SLC25A12: variants seen among roughly 807,000 people sequenced by gnomAD.
SLC25A12 encodes electrogenic aspartate/glutamate antiporter SLC25A12, mitochondrial.
SLC25A12 carries 32 observed loss-of-function variants against 83.3 expected under a neutral mutation model. The ratio of observed to expected loss-of-function variants is 0.38; its 90% confidence interval spans 0.29 to 0.52. The LOEUF is 0.52. SLC25A12 is among the 20% of genes least tolerant of loss of function. The pLI is 0.84. For missense variants in SLC25A12, 611 were observed against 835.6 expected (o/e 0.73, Z 3.31); for synonymous variants, 267 against 291.1 (o/e 0.92, Z 0.84).
rs184616361 is a variant in SLC25A12 at position 171,807,390 on chromosome 2, C to T, written c.1305+2216G>A. ...AATTCCTAAAGTTCAAACCTATAAA[C>T]AGGGTCGGTAGCTAGGAAGAACAAA... On this transcript the variant is annotated intron_variant, in intron 13 of 17. Coordinates refer to ENST00000422440, the MANE Select transcript of SLC25A12 (RefSeq NM_003705.5). Among the ~76,000 whole-genome samples the T allele has an allele frequency of 2.0e-5, 3 of 152,202 alleles. No individual in the cohort carries two copies. In the South Asian group the frequency reaches 6.2e-4, roughly 31 times the overall value.
At chr2:171,872,718 G>A (rs1685480347) in intron 2 of SLC25A12, among the ~76,000 whole-genome samples, 1 of 152,176 alleles carries the variant, frequency 6.6e-6, no homozygotes, top group African/African-American at 2.4e-5. Flanking sequence ...AGGGAGAAAG[G>A]CAACACTTGG....
At chr2:171,787,018 A>G (rs1690501348) in intron 17 of SLC25A12, among the ~76,000 whole-genome samples, 1 of 152,248 alleles carries the variant, frequency 6.6e-6, no homozygotes, top group African/African-American at 2.4e-5. Context: ...TATGTGAAAA[A>G]AGACAATTAT....
In SLC25A12 at chr2:171,785,439, G is replaced by C. The variant is rs1173947170; in HGVS notation, c.1872C>G (p.Arg624=). 2 of 1,614,220 alleles carry C rather than the reference G, an allele frequency of 1.2e-6. No individual in the cohort carries two copies. The highest frequency in any genetic ancestry group is 2.2e-5 in the South Asian group (2 of 91,078). The change falls in exon 18 of 18, where the codon CGC becomes CGG. Residue 624 remains arginine (R), a synonymous_variant. Transcript: ENST00000422440. ...GGTTGGCAGGAGGAAGGTCTGCAAT[G>C]CGTGACTTAGGTGTTGGTTCTGAAC... The part of the protein sequence containing the change: ...PAGSEPTPKS[R]IADLPPANPD...
chr2:171,803,310 G>T (rs1384123495), intron 13 of SLC25A12, among the ~76,000 whole-genome samples: 1 of 151,674 alleles, frequency 6.6e-6, no homozygotes, highest in Non-Finnish European at 1.5e-5. Flanking sequence ...AACACCAAAA[G>T]CACAAACAAC....
intron 13 of SLC25A12, among the ~76,000 whole-genome samples, chr2:171,803,887 A>G (rs1286053012): frequency 6.6e-6 from 1 of 152,108 alleles, no homozygotes; most frequent in Non-Finnish European, 1.5e-5. Flanking sequence ...TCACACTACT[A>G]GTAGGGATGC....
intron 9 of SLC25A12, among the ~76,000 whole-genome samples, chr2:171,820,074 G>C (rs918882094): frequency 6.6e-5 from 10 of 152,070 alleles, no homozygotes; most frequent in Non-Finnish European, 1.5e-4. Flanking sequence ...GTCTACTTGA[G>C]GGAGGACTGG....
At chr2:171,885,597 G>C (rs543069789) in intron 2 of SLC25A12, among the ~76,000 whole-genome samples, 8 of 152,008 alleles carry the variant, frequency 5.3e-5, no homozygotes, top group Admixed American at 3.3e-4. Context: ...GCTTGAACCC[G>C]GGAGGCGGAG....
At chr2:171,831,312 T>C (rs1684426537) in intron 8 of SLC25A12, among the ~76,000 whole-genome samples, 1 of 152,200 alleles carries the variant, frequency 6.6e-6, no homozygotes, top group South Asian at 2.1e-4. Context: ...GACAGGTCCC[T>C]CTCAAAATCT....
At chr2:171,824,217 C>T (rs1684253203) in intron 9 of SLC25A12, among the ~76,000 whole-genome samples, 2 of 152,210 alleles carry the variant, frequency 1.3e-5, no homozygotes, top group African/African-American at 4.8e-5. Flanking sequence ...AGCGCTGCCA[C>T]TGAAGACAGG....
chr2:171,837,049 G>C, intron 6 of SLC25A12, 72 bp downstream of exon 6: 3 of 1,456,590 alleles, frequency 2.1e-6, no homozygotes, highest in East Asian at 2.3e-5. Context: ...TGAGTCCCTG[G>C]AGGCAATCCA....
intron 2 of SLC25A12, among the ~76,000 whole-genome samples, chr2:171,875,910 CAAAAA>C (rs34276775): frequency 4.0e-5 from 4 of 99,002 alleles, no homozygotes; most frequent in African/African-American, 4.2e-5. Flanking sequence ...GACTCTGTCT[CAAAAA>C]AAAAAAAAAA....
intron 9 of SLC25A12, among the ~76,000 whole-genome samples, chr2:171,819,332 A>G (rs1458952357): frequency 4.2e-5 from 5 of 119,686 alleles, no homozygotes; most frequent in African/African-American, 1.5e-4. Context: ...ATAATATATA[A>G]TTATATATAT....
intron 9 of SLC25A12, among the ~76,000 whole-genome samples, chr2:171,824,801 A>G (rs983633136): frequency 1.3e-5 from 2 of 151,886 alleles, no homozygotes; most frequent in Non-Finnish European, 2.9e-5. Flanking sequence ...TAATGGAAAT[A>G]AACTTTTTTC....
chr2:171,891,976 T>C (rs1324342769), intron 2 of SLC25A12, among the ~76,000 whole-genome samples: 1 of 152,218 alleles, frequency 6.6e-6, no homozygotes. Flanking sequence ...ATATCTCAAA[T>C]AAAAATGTCA....
chr2:171,844,060 C>A (rs1684741010), intron 5 of SLC25A12, among the ~76,000 whole-genome samples: 1 of 152,174 alleles, frequency 6.6e-6, no homozygotes, highest in African/African-American at 2.4e-5. Flanking sequence ...GCTGGGATTA[C>A]AGGCGTGAGC....
chr2:171,868,710 C>T lies in SLC25A12; in HGVS notation c.180G>A (p.Leu60=), dbSNP rs778933592. The change falls in exon 3 of 18, where the codon TTG becomes TTA. Residue 60 remains leucine, a synonymous_variant. Transcript: ENST00000422440. ...CCTTGGTTTGATCAGCTACTCCTGCCAAGAGCTGCACGATCTTTGGGTTAC... is the reference window on the plus strand; with the variant it reads ...CCTTGGTTTGATCAGCTACTCCTGCTAAGAGCTGCACGATCTTTGGGTTAC... The part of the protein sequence containing the change: ...PNSNPKIVQL[L]AGVADQTKDG... 2.5e-6 allele frequency: 4 copies of T among 1,613,978 alleles called. No individual in the cohort carries two copies. The highest frequency in any genetic ancestry group is 2.5e-6 in the Non-Finnish European group (3 of 1,179,896).
Position 171,784,683 on chromosome 2 carries a change from A to C in SLC25A12, c.*591T>G, listed in dbSNP as rs555515048. 1 of 167,512 alleles carries C rather than the reference A, an allele frequency of 6.0e-6. No individual in the cohort carries two copies. The highest frequency in any genetic ancestry group is 1.5e-4 in the South Asian group (1 of 6,626). The allele number at this position is 167,512 out of a possible 1,614,324, so 10.4% of individuals were successfully genotyped here. A position where few individuals can be genotyped will look rare whatever the true frequency, so the allele number is the denominator to read the frequency against. On this transcript the variant is annotated 3_prime_UTR_variant, in exon 18 of 18. Transcript: ENST00000422440. ...CCACTGGCATGCATCTTTCCAAAGT[A>C]TCACTTATTCAGTGGTAGCAGCACT...
In SLC25A12 at chr2:171,785,162, T is replaced by A; in HGVS notation, c.*112A>T. 1.1e-6 allele frequency: 1 copy of A among 947,388 alleles called. No homozygotes were observed. Among genetic ancestry groups the A allele is most frequent in the Non-Finnish European group, 1.7e-6 (1 of 590,376 alleles). The allele number at this position is 947,388 out of a possible 1,614,324, so 58.7% of individuals were successfully genotyped here. ...TGTATATGTCATACAGAAAGAAGAG[T>A]TTGACTCCTCAGCTCAGTCAGTACC... is the stretch of plus-strand genomic sequence containing the variant. On this transcript the variant is annotated 3_prime_UTR_variant, in exon 18 of 18. Coordinates refer to ENST00000422440, the MANE Select transcript of SLC25A12 (RefSeq NM_003705.5).
At chr2:171,891,314 T>G (rs1227902572) in intron 2 of SLC25A12, among the ~76,000 whole-genome samples, 1 of 149,588 alleles carries the variant, frequency 6.7e-6, no homozygotes, top group Non-Finnish European at 1.5e-5. Context: ...AAAAAAAAAG[T>G]TGTCAAAGAG....
Sources: allele counts gnomAD v4.1 joint callset (sites outside exome capture counted in the v4.1 genomes callset), GRCh38; gene constraint gnomAD v4.1.1; transcripts MANE v1.5; gene names NCBI Gene and HGNC (gene_info 2026-07-23, HGNC 2026-07-21).